Variants in SNURF observed in about 807,000 individuals in gnomAD.
SNURF encodes the protein SNURF protein.
SNURF carries 6 observed loss-of-function variants against 11.6 expected under a neutral mutation model. The observed-to-expected ratio is 0.52, with a 90% confidence interval of 0.28 to 1.02. The LOEUF (loss-of-function observed/expected upper bound fraction) is 1.02. SNURF is among the 50% of genes least tolerant of loss of function. The pLI, the probability that SNURF is intolerant of heterozygous loss-of-function variation, is 0.09. For missense variants in SNURF, 84 were observed against 88.4 expected (o/e 0.95, Z 0.20); for synonymous variants, 29 against 31.6 (o/e 0.92, Z 0.27).
At chr15:24,968,065 A>G (rs763259089) in exon 3 of SNURF, 22 of 1,599,856 alleles carry the variant, frequency 1.4e-5, no homozygotes, top group African/African-American at 2.7e-5. Flanking sequence ...GAGGAATCTG[A>G]TTCCAAGCAA....
At chr15:24,973,021 G>A (rs1462866633), downstream of SNURF, among the ~76,000 whole-genome samples, 3 of 152,064 alleles carry the variant, frequency 2.0e-5, no homozygotes, top group African/African-American at 7.2e-5. Flanking sequence ...CTGAGTAGCT[G>A]GGATTACAGG....
intron 2 of SNURF, chr15:24,966,910 G>GGTTACTGATTCATAGGGGTA (rs1381880175): frequency 2.0e-4 from 31 of 152,194 alleles, no homozygotes; most frequent in African/African-American, 6.7e-4. Flanking sequence ...TTCACAGCCA[G>GGTTACTGATTCATAGGGGTA]GTTACTGATT....
intron 1 of SNURF, among the ~76,000 whole-genome samples, chr15:24,959,425 A>G (rs1179719098): frequency 6.6e-6 from 1 of 152,166 alleles, no homozygotes; most frequent in Non-Finnish European, 1.5e-5. Flanking sequence ...CTGGGAGTTC[A>G]AGCTTGGGTA....
downstream of SNURF, among the ~76,000 whole-genome samples, chr15:24,970,601 T>C (rs1566969754): frequency 6.6e-6 from 1 of 152,146 alleles, no homozygotes; most frequent in African/African-American, 2.4e-5. Context: ...GTGTTATGAA[T>C]ATTCTGTTTT....
chr15:24,978,332 T>C, downstream of SNURF: 1 of 1,614,094 alleles, frequency 6.2e-7, no homozygotes, highest in South Asian at 1.1e-5. Context: ...AGTGGGAGCA[T>C]AGGGGTTTGA....
At chr15:24,978,696 T>C (rs574429992), downstream of SNURF, 2 of 534,624 alleles carry the variant, frequency 3.7e-6, no homozygotes, top group East Asian at 6.1e-5. Context: ...CTTTAATTCT[T>C]AGGATAAAAA....
At chr15:24,976,076 A>T (rs2077027354) in intron 4 of SNURF, among the ~76,000 whole-genome samples, 1 of 152,226 alleles carries the variant, frequency 6.6e-6, no homozygotes, top group African/African-American at 2.4e-5. Context: ...TTGTAGTGTA[A>T]CATCAAAGGA....
At chr15:24,955,024 T>A (rs1317545238) in exon 1 of SNURF, 17 of 1,612,800 alleles carry the variant, frequency 1.1e-5, no homozygotes, top group Non-Finnish European at 1.4e-5. Flanking sequence ...CTGACGCATC[T>A]GTCTGAGGAG....
intron 2 of SNURF, among the ~76,000 whole-genome samples, chr15:24,966,473 C>T (rs569632856): frequency 2.0e-5 from 3 of 152,258 alleles, no homozygotes; most frequent in South Asian, 4.1e-4. Flanking sequence ...GATTGAATCA[C>T]TGGACATGTC....
chr15:24,962,329 C>T (rs1259889502), intron 2 of SNURF, 120 bp downstream of exon 2: 4 of 778,056 alleles, frequency 5.1e-6, no homozygotes, highest in African/African-American at 1.7e-5. Flanking sequence ...ACATCTAATA[C>T]AGAAGATGTA....
chr15:24,973,750 T>C (rs2076741527), downstream of SNURF, among the ~76,000 whole-genome samples: 1 of 152,206 alleles, frequency 6.6e-6, no homozygotes, highest in Non-Finnish European at 1.5e-5. Flanking sequence ...ATGAAAGTTG[T>C]TTATGTGAGT....
intron 6 of SNURF, chr15:24,977,053 A>C: frequency 6.5e-7 from 1 of 1,535,192 alleles, no homozygotes; most frequent in South Asian, 1.3e-5. Flanking sequence ...AGAGGGTTTT[A>C]TATTATTGGG....
downstream of SNURF, among the ~76,000 whole-genome samples, chr15:24,973,032 C>T (rs570170603): frequency 9.9e-5 from 15 of 152,108 alleles, no homozygotes; most frequent in South Asian, 8.3e-4. Flanking sequence ...GGATTACAGG[C>T]GCCTGCCACC....
downstream of SNURF, among the ~76,000 whole-genome samples, chr15:24,973,174 C>T (rs1013236298): frequency 1.3e-5 from 2 of 152,128 alleles, no homozygotes; most frequent in Non-Finnish European, 1.5e-5. Flanking sequence ...TGGGCGTGAG[C>T]CACCACACCC....
chr15:24,975,268 A>AGATT, intron 3 of SNURF: 1 of 1,000,030 alleles, frequency 1.0e-6, no homozygotes, highest in Non-Finnish European at 1.5e-6. Flanking sequence ...AACCAGGCTT[A>AGATT]GATTATGTAA....
rs937737746 is a variant in SNURF, at chr15:24,960,580, C to A, written c.15-1534C>A. Among the ~76,000 whole-genome samples, 4 of 152,174 alleles carry A rather than the reference C, an allele frequency of 2.6e-5. No homozygotes were observed. In the East Asian group the frequency reaches 5.8e-4, roughly 22 times the overall value. Reference sequence around the variant, plus strand: ...CAAGTGATCGCTGGCCTCAGCCTTCCATGAACCATTGCGCCCTGCCTCATT... The same window carrying A: ...CAAGTGATCGCTGGCCTCAGCCTTCAATGAACCATTGCGCCCTGCCTCATT... On this transcript the variant is annotated intron_variant, in intron 1 of 2. Transcript: ENST00000577949.
At chr15:24,968,857 T>TA (rs1202356005), downstream of SNURF, 1 of 152,236 alleles carries the variant, frequency 6.6e-6, no homozygotes. Context: ...TAGTTCTTTT[T>TA]ATGTTGCTTT....
intron 1 of SNURF, chr15:24,958,683 T>C (rs1361858866): frequency 2.6e-5 from 4 of 152,228 alleles, no homozygotes; most frequent in Middle Eastern, 2.3e-3. Context: ...AGGTTTCTTA[T>C]ATTCATGGGG....
chr15:24,970,100 G>C (rs766850489), downstream of SNURF, among the ~76,000 whole-genome samples: 4 of 152,168 alleles, frequency 2.6e-5, no homozygotes. Context: ...GATTATAGAA[G>C]TATATACGAA....
Sources: gnomAD v4.1 joint callset for allele counts (sites outside exome capture counted in the v4.1 genomes callset) on GRCh38, gnomAD v4.1.1 for gene constraint, MANE v1.5 for transcripts, NCBI Gene and HGNC (gene_info 2026-07-23, HGNC 2026-07-21) for gene names.